The following INO80C variants were observed in gnomAD, a reference collection of about 807,000 sequenced individuals.
INO80C encodes the protein IES6 homolog.
In INO80C, 17 loss-of-function variants were observed where a neutral mutation model predicts 17.7. That is an observed-to-expected ratio of 0.96 (90% CI 0.66 to 1.44). The LOEUF is 1.44. Ranked by LOEUF, INO80C falls within the 40% of genes most tolerant of loss-of-function variation. INO80C has a pLI of 0.00. For synonymous variants in INO80C, 96 were observed against 95.8 expected (o/e 1.00, Z -0.01); for missense variants, 244 against 245.0 (o/e 1.00, Z 0.03).
intron 1 of INO80C, among the ~76,000 whole-genome samples, chr18:35,494,560 C>A (rs1345128908): frequency 6.6e-6 from 1 of 152,202 alleles, no homozygotes; most frequent in Non-Finnish European, 1.5e-5. Context: ...GGAACACGGG[C>A]AGCAGCTGAC....
At position 35,488,879 on chromosome 18, in the gene INO80C, T is replaced by A. The variant is rs79105132; in HGVS notation, c.157-8316A>T. 0.025 allele frequency among the ~76,000 whole-genome samples: 3,732 copies of A among 152,306 alleles called. 365 individuals are homozygous for A. The East Asian group carries it at 0.33, about 14-fold the overall frequency. On this transcript the variant is annotated intron_variant, in intron 1 of 4. Transcript: ENST00000334598. ...AATGCTTTGCTGCTTAGAAATTTCT[T>A]CTGCCAGATACCCGAAATCATCTCC...
intron 3 of INO80C, 91 bp from the exon 4 acceptor site, chr18:35,478,440 T>C (rs2045764637): frequency 9.9e-7 from 1 of 1,013,376 alleles, no homozygotes; most frequent in African/African-American, 1.7e-5. Context: ...TTTGATAATA[T>C]TCCTGAAAAT....
chr18:35,479,575 C>A (rs2045780579), intron 2 of INO80C, among the ~76,000 whole-genome samples, 164 bp from the exon 3 acceptor site: 1 of 152,040 alleles, frequency 6.6e-6, no homozygotes, highest in Non-Finnish European at 1.5e-5. Flanking sequence ...TACACATTAA[C>A]ATGTTAATCT....
chr18:35,492,728 A>T (rs1034386881), intron 1 of INO80C, among the ~76,000 whole-genome samples: 3 of 152,262 alleles, frequency 2.0e-5, no homozygotes, highest in African/African-American at 7.2e-5. Context: ...AGATTCTCTC[A>T]TTATCTGCCC....
chr18:35,490,847 C>G (rs892041592), intron 1 of INO80C, among the ~76,000 whole-genome samples: 1 of 152,196 alleles, frequency 6.6e-6, no homozygotes, highest in Non-Finnish European at 1.5e-5. Context: ...CCTCAACCTC[C>G]TGGGCTCAAG....
rs1274867221 is a variant in INO80C, at chr18:35,468,398, G to A, written c.*213C>T. On this transcript the variant is annotated 3_prime_UTR_variant, in exon 5 of 5. Coordinates refer to ENST00000334598, the MANE Select transcript of INO80C (RefSeq NM_194281.4). ...ACCTTTACTTGAGGCAACAACTGAAGTATAATTTAATTCAGCAGGAAATAT... is the reference window on the plus strand; with the variant it reads ...ACCTTTACTTGAGGCAACAACTGAAATATAATTTAATTCAGCAGGAAATAT... 6.5e-6 allele frequency: 9 copies of A among 1,384,160 alleles called. No homozygotes were observed. The East Asian group carries it at 1.8e-4, about 28-fold the overall frequency. The allele number at this position is 1,384,160 out of a possible 1,614,324, so 85.7% of individuals were successfully genotyped here. A position where few individuals can be genotyped will look rare whatever the true frequency, so the allele number is the denominator to read the frequency against.
At chr18:35,478,514 C>T (rs542224289) in intron 3 of INO80C, among the ~76,000 whole-genome samples, 165 bp from the exon 4 acceptor site, 1 of 152,066 alleles carries the variant, frequency 6.6e-6, no homozygotes, top group South Asian at 2.1e-4. Flanking sequence ...GGGGAGGATT[C>T]TCAGAAACAA....
At chr18:35,472,575 T>C (rs1263189691) in intron 4 of INO80C, among the ~76,000 whole-genome samples, 1 of 152,200 alleles carries the variant, frequency 6.6e-6, no homozygotes, top group Non-Finnish European at 1.5e-5. Flanking sequence ...TGGTAGTTTC[T>C]TTTGCTGTGT....
At chr18:35,474,221 A>ACT (rs2045705915) in intron 4 of INO80C, among the ~76,000 whole-genome samples, 2 of 123,738 alleles carry the variant, frequency 1.6e-5, no homozygotes, top group Non-Finnish European at 1.7e-5. Flanking sequence ...ATATATATAT[A>ACT]TATATATATA....
At chr18:35,475,882 T>C (rs953947699) in intron 4 of INO80C, among the ~76,000 whole-genome samples, 4 of 151,796 alleles carry the variant, frequency 2.6e-5, no homozygotes, top group South Asian at 2.1e-4. Context: ...TTCTTTTTTT[T>C]CTTATTTTTA....
intron 1 of INO80C, among the ~76,000 whole-genome samples, chr18:35,494,351 A>T (rs2045958674): frequency 6.6e-6 from 1 of 152,204 alleles, no homozygotes; most frequent in African/African-American, 2.4e-5. Flanking sequence ...GGTTTTGCAG[A>T]TGTAATTAAG....
chr18:35,486,764 A>T (rs754674020), intron 1 of INO80C, among the ~76,000 whole-genome samples: 12 of 150,536 alleles, frequency 8.0e-5, no homozygotes, highest in Non-Finnish European at 4.4e-5. Context: ...CAGCCCAGGC[A>T]ACATAGCAAT....
intron 4 of INO80C, among the ~76,000 whole-genome samples, chr18:35,477,704 C>G (rs1417589723): frequency 6.6e-6 from 1 of 152,228 alleles, no homozygotes; most frequent in Non-Finnish European, 1.5e-5. Flanking sequence ...ACTATTTCAG[C>G]TCTGCTGGCA....
intron 1 of INO80C, 154 bp downstream of exon 1, chr18:35,497,565 A>G: frequency 7.1e-7 from 1 of 1,418,202 alleles, no homozygotes; most frequent in Non-Finnish European, 9.2e-7. Context: ...ACGAAGGGAA[A>G]GAGTAGTCAT....
At chr18:35,474,787 T>G (rs935229088) in intron 4 of INO80C, among the ~76,000 whole-genome samples, 6 of 152,108 alleles carry the variant, frequency 3.9e-5, no homozygotes, top group African/African-American at 2.4e-5. Context: ...ATTAGAGAGA[T>G]AAACGATGCT....
chr18:35,468,930 C>A (rs1044878414), intron 4 of INO80C, among the ~76,000 whole-genome samples, 188 bp from the exon 5 acceptor site: 1 of 152,018 alleles, frequency 6.6e-6, no homozygotes, highest in African/African-American at 2.4e-5. Context: ...ACTCTAGAAA[C>A]ACTTCAGGGT....
intron 1 of INO80C, among the ~76,000 whole-genome samples, chr18:35,484,917 G>A (rs1373524544): frequency 6.6e-6 from 1 of 152,212 alleles, no homozygotes; most frequent in Admixed American, 6.5e-5. Context: ...TCAGAGTGCT[G>A]TAACAGAATA....
chr18:35,476,924 C>T (rs1322786619), intron 4 of INO80C, among the ~76,000 whole-genome samples: 1 of 152,100 alleles, frequency 6.6e-6, no homozygotes, highest in Non-Finnish European at 1.5e-5. Context: ...AACAAGAATC[C>T]ACTTTAAATA....
At chr18:35,478,201 T>G in intron 4 of INO80C, 81 bp downstream of exon 4, 1 of 1,075,042 alleles carries the variant, frequency 9.3e-7, no homozygotes, top group Non-Finnish European at 1.4e-6. Flanking sequence ...CCAGCCATGA[T>G]CAATATTCAA....
Sources: gnomAD v4.1 joint callset for allele counts (sites outside exome capture counted in the v4.1 genomes callset) on GRCh38, gnomAD v4.1.1 for gene constraint, MANE v1.5 for transcripts, NCBI Gene and HGNC (gene_info 2026-07-23, HGNC 2026-07-21) for gene names.